Variants in KCNIP1 observed in about 807,000 individuals in gnomAD.
KCNIP1 encodes A-type potassium channel modulatory protein KCNIP1.
In KCNIP1, 18 loss-of-function variants were observed where a neutral mutation model predicts 33.0. That is an observed-to-expected ratio of 0.55 (90% confidence interval 0.38 to 0.81). The LOEUF (loss-of-function observed/expected upper bound fraction) is 0.81, where lower values mean the gene tolerates loss of function less well. Among genes scored for constraint, KCNIP1 ranks in the 30% least tolerant of loss-of-function variants. KCNIP1 has a pLI of 0.00. For missense variants in KCNIP1, 238 were observed against 271.6 expected (o/e 0.88, Z 0.87); for synonymous variants, 93 against 98.3 (o/e 0.95, Z 0.32).
At chr5:170,555,949 C>G (rs1404882577) in intron 1 of KCNIP1, among the ~76,000 whole-genome samples, 1 of 152,214 alleles carries the variant, frequency 6.6e-6, no homozygotes, top group African/African-American at 2.4e-5. Flanking sequence ...CCCAGCCTGG[C>G]TTCCAGGTAC....
Position 170,415,572 on chromosome 5 carries a change from A to G in KCNIP1, c.88+61608A>G, listed in dbSNP as rs191518425. On this transcript the variant is annotated intron_variant, in intron 1 of 7. Coordinates refer to the KCNIP1 transcript ENST00000377360. ...CTTTCTGAACAGTTTCAGAAGGAAC[A>G]TCAAGTCTGCAACAAGTCTTCTGAC... Among the ~76,000 whole-genome samples, 8 of 152,298 alleles carry G rather than the reference A, an allele frequency of 5.3e-5. No individual in the cohort carries two copies. The East Asian group carries it at 1.5e-3, about 29-fold the overall frequency.
intron 1 of KCNIP1, among the ~76,000 whole-genome samples, chr5:170,662,354 G>A (rs747371116): frequency 2.0e-5 from 3 of 152,120 alleles, no homozygotes; most frequent in Non-Finnish European, 2.9e-5. Flanking sequence ...ATGACCCTCC[G>A]TCACTGAAGG....
chr5:170,599,055 C>A (rs1758587309), intron 1 of KCNIP1, among the ~76,000 whole-genome samples: 1 of 152,000 alleles, frequency 6.6e-6, no homozygotes. Context: ...TGCAGACCCA[C>A]AGGCTGCCGT....
chr5:170,725,520 G>A (rs1303393733), intron 5 of KCNIP1, among the ~76,000 whole-genome samples: 1 of 152,150 alleles, frequency 6.6e-6, no homozygotes, highest in Non-Finnish European at 1.5e-5. Flanking sequence ...AGGCTGGGAA[G>A]GATAGTAGGG....
chr5:170,606,146 G>C (rs1161118855), intron 1 of KCNIP1, among the ~76,000 whole-genome samples: 1 of 152,176 alleles, frequency 6.6e-6, no homozygotes, highest in East Asian at 1.9e-4. Context: ...TTATTCATCA[G>C]TTGATGAACC....
chr5:170,626,178 G>A (rs534277666), intron 1 of KCNIP1, among the ~76,000 whole-genome samples: 1 of 152,174 alleles, frequency 6.6e-6, no homozygotes, highest in African/African-American at 2.4e-5. Context: ...TGCATGCCAG[G>A]CCTGTGCCAC....
At chr5:170,655,461 G>A (rs566511554) in intron 1 of KCNIP1, among the ~76,000 whole-genome samples, 1 of 152,162 alleles carries the variant, frequency 6.6e-6, no homozygotes, top group African/African-American at 2.4e-5. Context: ...GGTTGAATTC[G>A]CATGCACCAA....
At chr5:170,654,009 CA>C (rs2113729688) in intron 1 of KCNIP1, among the ~76,000 whole-genome samples, 1 of 152,272 alleles carries the variant, frequency 6.6e-6, no homozygotes, top group South Asian at 2.1e-4. Context: ...TCATCTTCTG[CA>C]AAGGTCACAC....
At position 170,489,170 on chromosome 5, in the gene KCNIP1, G is replaced by A. The variant is rs375771931; in HGVS notation, c.88+135206G>A. Among the ~76,000 whole-genome samples, 127 of 152,332 alleles carry A rather than the reference G, an allele frequency of 8.3e-4. 4 individuals carry two copies. The South Asian group carries it at 0.019, about 23-fold the overall frequency. On this transcript the variant is annotated intron_variant, in intron 1 of 7. Transcript: ENST00000377360. This position sits in a 1 kb window ranked among gnomAD's most constrained non-coding sequence, Gnocchi z 4.3. ...GGAATGGTGATGGAGCAGCCTGGGA[G>A]GCTGCAGGCACTGAAGGAAGAGGTA...
chr5:170,467,646 G>A (rs1041435987), intron 1 of KCNIP1, among the ~76,000 whole-genome samples: 6 of 152,098 alleles, frequency 3.9e-5, no homozygotes, highest in Admixed American at 2.0e-4. Context: ...GGCTGGGCGC[G>A]GTGGCTCACG....
At chr5:170,580,357 G>A (rs1248354316) in intron 1 of KCNIP1, among the ~76,000 whole-genome samples, 1 of 152,188 alleles carries the variant, frequency 6.6e-6, no homozygotes, top group Admixed American at 6.5e-5. Context: ...TATGTACCCT[G>A]TACATGTCTT....
chr5:170,426,942 G>A (rs567743801), intron 1 of KCNIP1, among the ~76,000 whole-genome samples: 1 of 152,310 alleles, frequency 6.6e-6, no homozygotes, highest in East Asian at 1.9e-4. Context: ...CAGCTCCACA[G>A]GGAGAGGGAA....
chr5:170,710,781 T>G (rs2113854371), intron 1 of KCNIP1, among the ~76,000 whole-genome samples: 1 of 152,350 alleles, frequency 6.6e-6, no homozygotes, highest in South Asian at 2.1e-4. Context: ...TGCCTTTGCA[T>G]ATGCTCTTCC....
chr5:170,577,258 A>G (rs1159660001), intron 1 of KCNIP1, among the ~76,000 whole-genome samples: 1 of 152,232 alleles, frequency 6.6e-6, no homozygotes, highest in Non-Finnish European at 1.5e-5. Context: ...CGAGTGACTC[A>G]ATCTGTCCTC....
At chr5:170,386,142 A>C (rs1764463192) in intron 1 of KCNIP1, among the ~76,000 whole-genome samples, 2 of 151,942 alleles carry the variant, frequency 1.3e-5, no homozygotes, top group Non-Finnish European at 2.9e-5. Context: ...AACAAAAAAC[A>C]AAAAAAGATA....
chr5:170,503,075 C>G (rs916511507), upstream of KCNIP1, among the ~76,000 whole-genome samples: 7 of 151,954 alleles, frequency 4.6e-5, no homozygotes, highest in Non-Finnish European at 1.0e-4. Context: ...GAGGTAGAAC[C>G]AAGGAGGAAA....
intron 1 of KCNIP1, among the ~76,000 whole-genome samples, chr5:170,556,534 G>C (rs943100249): frequency 2.0e-5 from 3 of 152,180 alleles, no homozygotes; most frequent in African/African-American, 7.2e-5. Context: ...TCCAGGAGGT[G>C]GGGGGTGGGA....
chr5:170,412,922 G>A (rs1011646322), intron 1 of KCNIP1, among the ~76,000 whole-genome samples: 7 of 152,088 alleles, frequency 4.6e-5, no homozygotes, highest in Non-Finnish European at 1.0e-4. Context: ...CAGGCACCCA[G>A]CCTCGTGACT....
intron 1 of KCNIP1, among the ~76,000 whole-genome samples, chr5:170,659,529 A>C (rs1025161657): frequency 6.6e-6 from 1 of 152,224 alleles, no homozygotes; most frequent in Non-Finnish European, 1.5e-5. Context: ...GAAGCATCAT[A>C]AACACCTTTT....
Sources: allele counts gnomAD v4.1 joint callset (sites outside exome capture counted in the v4.1 genomes callset), GRCh38; gene constraint gnomAD v4.1.1; non-coding constraint Gnocchi (gnomAD v3.1); transcripts MANE v1.5; gene names NCBI Gene and HGNC (gene_info 2026-07-23, HGNC 2026-07-21).